Variants in LIAS observed in about 807,000 individuals in gnomAD.
LIAS encodes lipoic acid synthetase.
Under a neutral mutation model 49.4 loss-of-function variants are expected in LIAS, and 36 were observed. The ratio of observed to expected loss-of-function variants is 0.73; its 90% CI spans 0.56 to 0.96. LIAS has a LOEUF of 0.96. Among genes scored for constraint, LIAS ranks in the 40% least tolerant of loss-of-function variants. The pLI, the probability that LIAS is intolerant of heterozygous loss-of-function variation, is 0.00. For missense variants in LIAS, 399 were observed against 456.3 expected, an observed-to-expected ratio of 0.87 and a Z score of 1.14; for synonymous variants, 145 against 155.8, an observed-to-expected ratio of 0.93 and a Z score of 0.52.
intron 3 of LIAS, 28 bp from the exon 4 acceptor site, chr4:39,463,497 A>G (rs759962534): frequency 1.3e-6 from 2 of 1,572,922 alleles, no homozygotes; most frequent in East Asian, 2.3e-5. Flanking sequence ...TGTCAACCTA[A>G]TGGTGTTCCA....
chr4:39,460,717 G>A (rs1305176639), intron 1 of LIAS, 73 bp from the exon 2 acceptor site: 11 of 1,271,346 alleles, frequency 8.7e-6, no homozygotes, highest in Non-Finnish European at 1.1e-5. Context: ...CTTCCGTTTA[G>A]GTGTTATGAT....
At chr4:39,462,751 G>A (rs1015660276) in intron 3 of LIAS, among the ~76,000 whole-genome samples, 2 of 152,246 alleles carry the variant, frequency 1.3e-5, no homozygotes, top group Non-Finnish European at 2.9e-5. Context: ...TCGGAAGGCC[G>A]AGGTGGGAGG....
chr4:39,477,217 A>C lies in LIAS; in HGVS notation c.*102A>C. ...GCCTGGACTGCAGTGGATGTGCCCC[A>C]CCTCTTTGCTTAAAAAAAAAAATGT... On this transcript the variant is annotated 3_prime_UTR_variant, in exon 11 of 11. Transcript: ENST00000640888. The C allele has an allele frequency of 3.6e-6, 3 of 829,038 alleles. No individual in the cohort carries two copies. Among genetic ancestry groups the C allele is most frequent in the Non-Finnish European group, 1.9e-6 (1 of 519,368 alleles). The allele number at this position is 829,038 out of a possible 1,614,324, so 51.4% of individuals were successfully genotyped here.
rs182067569 is a variant in LIAS at position 39,471,550 on chromosome 4, G to A, written c.954+244G>A. Among the ~76,000 whole-genome samples the A allele has an allele frequency of 0.1, 11,277 of 111,450 alleles. 620 individuals are homozygous for A. The highest frequency in any genetic ancestry group is 0.17 in the African/African-American group (5,069 of 30,418). The allele number at this position is 111,450 out of a possible 152,430, so 73.1% of individuals were successfully genotyped here. On this transcript the variant is annotated intron_variant, in intron 9 of 10. Transcript: ENST00000640888. ...TTTTTTTTTTTTTTTTTTTTGAGACGGAGTCTCGCTCTGTCGCCCAGGCTG... is the reference window on the plus strand; with the variant it reads ...TTTTTTTTTTTTTTTTTTTTGAGACAGAGTCTCGCTCTGTCGCCCAGGCTG...
intron 8 of LIAS, 129 bp from the exon 9 acceptor site, chr4:39,471,107 T>G: frequency 1.5e-6 from 1 of 658,934 alleles, no homozygotes; most frequent in South Asian, 1.8e-5. Flanking sequence ...AGATGTTGTC[T>G]TATTCCCCAA....
intron 10 of LIAS, chr4:39,476,682 C>G: frequency 5.9e-6 from 1 of 169,194 alleles, no homozygotes; most frequent in Non-Finnish European, 1.2e-5. Context: ...CAGATCCAGC[C>G]TAATAATGTA....
rs900760878 is a variant in LIAS at position 39,477,954 on chromosome 4, A to G, written c.*839A>G. ...GCCACTGCTCTCCAGCCTGGGCGCT[A>G]CAACTGCTCTCCAGACTCTGTCTTG... On this transcript the variant is annotated 3_prime_UTR_variant, in exon 11 of 11. Transcript: ENST00000640888. 2.0e-5 allele frequency: 3 copies of G among 152,176 alleles called. No individual in the cohort carries two copies. The highest frequency in any genetic ancestry group is 4.4e-5 in the Non-Finnish European group (3 of 68,028). The allele number at this position is 152,176 out of a possible 1,614,324, so 9.4% of individuals were successfully genotyped here.
chr4:39,469,933 C>T, intron 7 of LIAS, 86 bp from the exon 8 acceptor site: 1 of 1,223,646 alleles, frequency 8.2e-7, no homozygotes, highest in Non-Finnish European at 1.2e-6. Flanking sequence ...GCAGAATGTA[C>T]TTCTCTGGTC....
At chr4:39,465,583 T>A (rs561214795) in intron 6 of LIAS, among the ~76,000 whole-genome samples, 1 of 152,308 alleles carries the variant, frequency 6.6e-6, no homozygotes, top group Admixed American at 6.5e-5. Context: ...CTTTAGCCCA[T>A]AGAATCCCTC....
Position 39,477,829 on chromosome 4 carries a change from G to T in LIAS, c.*714G>T, listed in dbSNP as rs537510935. 13 of 152,154 alleles carry T rather than the reference G, an allele frequency of 8.5e-5. No individual in the cohort carries two copies. Among genetic ancestry groups the T allele is most frequent in the African/African-American group, 3.1e-4 (13 of 41,502 alleles). The allele number at this position is 152,154 out of a possible 1,614,324, so 9.4% of individuals were successfully genotyped here. ...GAGACCTTATCTCTACAAAAAATTA[G>T]CCAGACGTGGTGGCACGCACCCGTA... On this transcript the variant is annotated 3_prime_UTR_variant, in exon 11 of 11. Coordinates refer to ENST00000640888, the MANE Select transcript of LIAS (RefSeq NM_006859.4).
intron 8 of LIAS, 57 bp downstream of exon 8, chr4:39,470,221 C>A: frequency 6.8e-7 from 1 of 1,475,666 alleles, no homozygotes; most frequent in South Asian, 1.3e-5. Context: ...ATAGCAGGAA[C>A]CCACTCACTT....
At chr4:39,463,720 G>T in intron 4 of LIAS, 115 bp downstream of exon 4, 1 of 1,366,360 alleles carries the variant, frequency 7.3e-7, no homozygotes, top group Non-Finnish European at 9.5e-7. Flanking sequence ...CATTACATTT[G>T]CATTTATGAA....
chr4:39,459,698 TTTC>T (rs1270768782), intron 1 of LIAS, among the ~76,000 whole-genome samples: 1 of 152,250 alleles, frequency 6.6e-6, no homozygotes, highest in Admixed American at 6.5e-5. Context: ...AATACCATGA[TTTC>T]TTATGTTCTT....
chr4:39,470,122 G>C lies in LIAS; in HGVS notation c.841G>C (p.Gly281Arg). 6.2e-7 allele frequency: 1 copy of C among 1,613,738 alleles called. No homozygotes were observed. Among genetic ancestry groups the C allele is most frequent in the Non-Finnish European group, 8.5e-7 (1 of 1,179,794 alleles). The stretch of plus-strand genomic sequence containing the variant: ...TATTTCTAAAACATCTATAATGTTG[G>C]GTTTAGGCGAGAATGATGAGCAAGT... Reference protein sequence around the residue: ...DVISKTSIMLGLGENDEQVYA... With the variant: ...DVISKTSIMLRLGENDEQVYA... Residue 281 changes from glycine (G) to arginine (R), a missense_variant, in exon 8 of 11, where the codon GGT becomes CGT. Physicochemically the swap from Gly to Arg is moderately radical, Grantham distance 125 (BLOSUM62 -2). Transcript: ENST00000640888.
chr4:39,476,922 T>C, intron 10 of LIAS, 141 bp from the exon 11 acceptor site: 1 of 600,942 alleles, frequency 1.7e-6, no homozygotes, highest in Non-Finnish European at 2.9e-6. Flanking sequence ...ATATTGCCAT[T>C]GAGGTTTGAG....
Position 39,479,321 on chromosome 4 carries a change from G to A in LIAS, c.*2206G>A, listed in dbSNP as rs903772232. 2 of 151,884 alleles carry A rather than the reference G, an allele frequency of 1.3e-5. No individual in the cohort carries two copies. Among genetic ancestry groups the A allele is most frequent in the Admixed American group, 1.3e-4 (2 of 15,230 alleles). 9.4% of individuals were successfully genotyped at this position (151,884 alleles called of 1,614,324 possible). ...ACCTGAGGTCAGGAGTTTGAGACCA[G>A]CCTGAACAACATGGTGAAACACTGT... On this transcript the variant is annotated 3_prime_UTR_variant, in exon 11 of 11. Transcript: ENST00000640888.
chr4:39,469,953 G>A (rs959490592), intron 7 of LIAS, 66 bp from the exon 8 acceptor site: 2 of 1,447,940 alleles, frequency 1.4e-6, no homozygotes, highest in African/African-American at 2.8e-5. Context: ...CTTTCAGGTT[G>A]CTTGCATAAC....
chr4:39,459,153 G>A lies in LIAS; in HGVS notation c.36G>A (p.Leu12=). ...SLRCGDAART[L]GPRVFGRYFC... ...GCTGCGGGGATGCAGCCCGCACCCTGGGGCCCCGGGTGAGCGGCGGGGCGA... is the reference window on the plus strand; with the variant it reads ...GCTGCGGGGATGCAGCCCGCACCCTAGGGCCCCGGGTGAGCGGCGGGGCGA... The change falls in exon 1 of 11, where the codon CTG becomes CTA. Residue 12 remains leucine, a synonymous_variant. Coordinates refer to ENST00000640888, the MANE Select transcript of LIAS (RefSeq NM_006859.4). 6.2e-7 allele frequency: 1 copy of A among 1,613,262 alleles called. No individual in the cohort carries two copies. The highest frequency in any genetic ancestry group is 8.5e-7 in the Non-Finnish European group (1 of 1,179,940).
At chr4:39,472,279 C>T (rs1182629775) in intron 9 of LIAS, among the ~76,000 whole-genome samples, 4 of 152,088 alleles carry the variant, frequency 2.6e-5, no homozygotes, top group African/African-American at 4.8e-5. Context: ...TCATCCTCAT[C>T]ATCTTCATGT....
Sources: allele counts gnomAD v4.1 joint callset (sites outside exome capture counted in the v4.1 genomes callset), GRCh38; gene constraint gnomAD v4.1.1; transcripts MANE v1.5; gene names NCBI Gene and HGNC (gene_info 2026-07-23, HGNC 2026-07-21).